NOX4: variants seen among roughly 807,000 people sequenced by gnomAD.
The protein encoded by NOX4 is NADPH oxidase 4, also known as kidney oxidase-1.
A neutral mutation model predicts 87.6 loss-of-function variants in NOX4; 69 were observed. The ratio of observed to expected loss-of-function variants is 0.79; its 90% CI spans 0.65 to 0.96. The LOEUF (loss-of-function observed/expected upper bound fraction) is 0.96. Ranked by LOEUF, NOX4 falls within the 40% of genes least tolerant of loss-of-function variation. The probability of loss-of-function intolerance (pLI) is 0.00; values close to 1 mark genes in which losing one functional copy is unlikely to be tolerated. For missense variants in NOX4, 680 were observed against 681.5 expected (o/e 1.00, Z 0.02); for synonymous variants, 275 against 238.2 (o/e 1.15, Z -1.42).
intron 7 of NOX4, among the ~76,000 whole-genome samples, chr11:89,424,865 A>C (rs1943290831): frequency 6.6e-6 from 1 of 152,110 alleles, no homozygotes; most frequent in South Asian, 2.1e-4. Flanking sequence ...TACTGGTAAA[A>C]AGAAAAGGTA....
At position 89,407,120 on chromosome 11, in the gene NOX4, A is replaced by G. The variant is rs113702827; in HGVS notation, c.630-4578T>C. On this transcript the variant is annotated intron_variant, in intron 8 of 17. Transcript: ENST00000263317. The stretch of plus-strand genomic sequence containing the variant: ...CCCTCTAATACTTTTCTTGCACATA[A>G]TAGATCTCTAATGCATTTCTAGTGA... Among the ~76,000 whole-genome samples the G allele has an allele frequency of 4.4e-3, 671 of 152,242 alleles. 4 individuals are homozygous for G. Among genetic ancestry groups the G allele is most frequent in the African/African-American group, 0.015 (630 of 41,574 alleles).
intron 11 of NOX4, among the ~76,000 whole-genome samples, chr11:89,394,232 A>C (rs922579717): frequency 6.6e-6 from 1 of 152,152 alleles, no homozygotes; most frequent in Non-Finnish European, 1.5e-5. Flanking sequence ...TAAGAAAGTA[A>C]AAAAGTTTTC....
the NOX4 span, among the ~76,000 whole-genome samples, chr11:89,531,826 C>A: frequency 2.0e-5 from 3 of 152,228 alleles, no homozygotes; most frequent in Non-Finnish European, 4.4e-5. Context: ...GGGCCAGACC[C>A]AGGGCCCTGC....
the NOX4 span, among the ~76,000 whole-genome samples, chr11:89,580,124 G>C: frequency 1.3e-5 from 2 of 152,116 alleles, no homozygotes; most frequent in African/African-American, 2.4e-5. Flanking sequence ...CATGTATTAA[G>C]AGTGAGATGA....
chr11:89,342,056 T>C lies in NOX4; in HGVS notation c.1337+18A>G. The C allele has an allele frequency of 1.3e-6, 2 of 1,591,312 alleles. No individual in the cohort carries two copies. Among genetic ancestry groups the C allele is most frequent in the South Asian group, 1.1e-5 (1 of 87,874 alleles). On this transcript the variant is annotated intron_variant, in intron 14 of 17. Transcript: ENST00000263317. ...CAGTTCTCTATTTGGATTAACAAAA[T>C]AGATCAAAATGACATACAACAGGGT...
chr11:89,339,311 C>T (rs1169628800), intron 15 of NOX4, among the ~76,000 whole-genome samples: 1 of 151,800 alleles, frequency 6.6e-6, no homozygotes, highest in Non-Finnish European at 1.5e-5. Flanking sequence ...GCACTAATAC[C>T]AAAAAATAGT....
chr11:89,345,699 A>G (rs1946186780), intron 13 of NOX4, among the ~76,000 whole-genome samples: 1 of 152,168 alleles, frequency 6.6e-6, no homozygotes, highest in African/African-American at 2.4e-5. Context: ...CAAATAACCT[A>G]TTTTCATCTC....
At chr11:89,501,489 TC>T (rs1413408004), upstream of NOX4, among the ~76,000 whole-genome samples, 1 of 152,024 alleles carries the variant, frequency 6.6e-6, no homozygotes, top group Non-Finnish European at 1.5e-5. Context: ...TAGACATTGC[TC>T]AAAAGATTGT....
intron 12 of NOX4, among the ~76,000 whole-genome samples, chr11:89,360,461 T>A (rs1938434223): frequency 6.6e-6 from 1 of 152,090 alleles, no homozygotes; most frequent in South Asian, 2.1e-4. Flanking sequence ...TGAAAATACA[T>A]AATTTTACTT....
chr11:89,436,797 T>C (rs578261696), intron 6 of NOX4, among the ~76,000 whole-genome samples: 9 of 152,256 alleles, frequency 5.9e-5, no homozygotes, highest in African/African-American at 1.9e-4. Flanking sequence ...TTTGGAGATA[T>C]ATAGTAAGCA....
In NOX4 at chr11:89,433,527, T is replaced by C. The variant is rs561226480; in HGVS notation, c.476-671A>G. ...TCCTTCCTCTTATGAAACTAAGCAGTGCCTTCAGTTTCAATTTCAATTAAC... is the reference window on the plus strand; with the variant it reads ...TCCTTCCTCTTATGAAACTAAGCAGCGCCTTCAGTTTCAATTTCAATTAAC... On this transcript the variant is annotated intron_variant, in intron 6 of 17. Transcript: ENST00000263317. Among the ~76,000 whole-genome samples, 4 of 152,134 alleles carry C rather than the reference T, an allele frequency of 2.6e-5. No homozygotes were observed. The South Asian group carries it at 8.3e-4, about 32-fold the overall frequency.
chr11:89,491,910 C>A (rs1055799578), upstream of NOX4, among the ~76,000 whole-genome samples: 1 of 152,012 alleles, frequency 6.6e-6, no homozygotes, highest in Non-Finnish European at 1.5e-5. Flanking sequence ...TTATCCCACT[C>A]CCAAACTAAA....
At chr11:89,445,725 T>C (rs1409907042) in intron 4 of NOX4, among the ~76,000 whole-genome samples, 3 of 151,876 alleles carry the variant, frequency 2.0e-5, no homozygotes, top group Admixed American at 6.6e-5. Flanking sequence ...TGAAAATGAA[T>C]CAGAGACCCA....
intron 2 of NOX4, among the ~76,000 whole-genome samples, chr11:89,460,794 A>C (rs1030868267): frequency 1.3e-4 from 20 of 152,268 alleles, no homozygotes; most frequent in South Asian, 4.1e-4. Context: ...TTGACCCAGC[A>C]ATCCCATTAC....
chr11:89,445,728 G>T (rs1944673733), intron 4 of NOX4, among the ~76,000 whole-genome samples: 2 of 152,026 alleles, frequency 1.3e-5, no homozygotes, highest in South Asian at 4.1e-4. Context: ...AAATGAATCA[G>T]AGACCCAAAT....
chr11:89,429,277 C>T (rs1194748772), intron 7 of NOX4, among the ~76,000 whole-genome samples: 1 of 152,068 alleles, frequency 6.6e-6, no homozygotes, highest in African/African-American at 2.4e-5. Flanking sequence ...AAAATTGACA[C>T]CCTAATATCA....
chr11:89,486,257 TTTTA>T (rs1466004054), intron 2 of NOX4, among the ~76,000 whole-genome samples: 1 of 145,996 alleles, frequency 6.8e-6, no homozygotes, highest in African/African-American at 2.5e-5. Context: ...TCTATACCAA[TTTTA>T]TTTATTTATT....
chr11:89,357,795 C>T (rs1208791521), intron 12 of NOX4, among the ~76,000 whole-genome samples: 1 of 152,060 alleles, frequency 6.6e-6, no homozygotes, highest in East Asian at 1.9e-4. Context: ...ACATCCTTTT[C>T]GCAGCAATAA....
chr11:89,487,479 C>A (rs993134297), intron 2 of NOX4, among the ~76,000 whole-genome samples: 2 of 152,070 alleles, frequency 1.3e-5, no homozygotes, highest in African/African-American at 4.8e-5. Context: ...ATTTCACAGA[C>A]GAATGACAGC....
Sources: gnomAD v4.1 joint callset for allele counts (sites outside exome capture counted in the v4.1 genomes callset) on GRCh38, gnomAD v4.1.1 for gene constraint, MANE v1.5 for transcripts, NCBI Gene and HGNC (gene_info 2026-07-23, HGNC 2026-07-21) for gene names.